Variants in RSRC1 observed in about 807,000 individuals in gnomAD.
RSRC1 encodes arginine and serine rich coiled-coil 1.
In RSRC1, 39 loss-of-function variants were observed where a neutral mutation model predicts 49.1. The observed-to-expected ratio is 0.79, with a 90% CI of 0.61 to 1.04. RSRC1 has a LOEUF of 1.04. RSRC1 is among the 50% of genes least tolerant of loss of function. The pLI is 0.00. For missense variants in RSRC1, 388 were observed against 402.4 expected (o/e 0.96, Z 0.31); for synonymous variants, 143 against 130.8 (o/e 1.09, Z -0.63).
Position 158,122,265 on chromosome 3 carries a change from A to G in RSRC1, c.161A>G (p.Asp54Gly). 3.8e-6 allele frequency: 6 copies of G among 1,597,720 alleles called. No homozygotes were observed. The highest frequency in any genetic ancestry group is 1.7e-5 in the Admixed American group (1 of 57,990). ...SRSKSRSWSRDLQPRSHSYDR... is the reference protein window; with the variant it reads ...SRSKSRSWSRGLQPRSHSYDR... ...TCAAAGTCAAGATCTTGGTCCAGAG[A>G]TCTTCAGCCTCGTTCACATTCTTAT... The change falls in exon 2 of 10, where the codon GAT (aspartate) becomes GGT (glycine). Residue 54 changes from aspartate (D) to glycine (G), a missense_variant. Physicochemically the swap from Asp to Gly is moderately conservative, Grantham distance 94 (BLOSUM62 -1). Coordinates refer to ENST00000611884, the MANE Select transcript of RSRC1 (RefSeq NM_001271838.2).
intron 3 of RSRC1, among the ~76,000 whole-genome samples, chr3:158,126,139 G>A (rs1460648288): frequency 6.6e-6 from 1 of 151,980 alleles, no homozygotes; most frequent in African/African-American, 2.4e-5. Flanking sequence ...TATTTTGTGT[G>A]TATGAGTGTG....
intron 7 of RSRC1, among the ~76,000 whole-genome samples, chr3:158,505,638 GCTGAAGGAAGAAC>G (rs552309608): frequency 1.1e-4 from 16 of 152,186 alleles, no homozygotes; most frequent in Middle Eastern, 3.4e-3. Context: ...GGTATTCCAA[GCTGAAGGAAGAAC>G]CTGAAAGGAA....
intron 5 of RSRC1, among the ~76,000 whole-genome samples, chr3:158,326,319 G>A (rs939153166): frequency 6.6e-6 from 1 of 152,212 alleles, no homozygotes; most frequent in African/African-American, 2.4e-5. Context: ...GTTTTCAAAG[G>A]GAATGCTTCC....
At chr3:158,199,307 G>T (rs755181413) in intron 3 of RSRC1, among the ~76,000 whole-genome samples, 1 of 151,932 alleles carries the variant, frequency 6.6e-6, no homozygotes, top group Non-Finnish European at 1.5e-5. Context: ...TATCAGCAGC[G>T]TGAAAATGGA....
intron 6 of RSRC1, among the ~76,000 whole-genome samples, chr3:158,406,578 G>A (rs1734171152): frequency 6.6e-6 from 1 of 151,990 alleles, no homozygotes; most frequent in Non-Finnish European, 1.5e-5. Flanking sequence ...TTAATTTTTT[G>A]TTTAGAAGGG....
chr3:158,348,114 C>CT (rs1333787541), intron 5 of RSRC1, among the ~76,000 whole-genome samples: 1 of 151,976 alleles, frequency 6.6e-6, no homozygotes, highest in Non-Finnish European at 1.5e-5. Context: ...AGTTTGAGTT[C>CT]TTTTTAGGTG....
At chr3:158,492,245 C>T (rs941277278) in intron 7 of RSRC1, among the ~76,000 whole-genome samples, 1 of 152,148 alleles carries the variant, frequency 6.6e-6, no homozygotes, top group Non-Finnish European at 1.5e-5. Context: ...CAGGTCCCTC[C>T]CTTGAGATGT....
At chr3:158,352,765 G>T (rs755272499) in intron 5 of RSRC1, among the ~76,000 whole-genome samples, 30 of 152,174 alleles carry the variant, frequency 2.0e-4, no homozygotes, top group Non-Finnish European at 3.8e-4. Context: ...ATCAGTTGGT[G>T]CTGGGTGTCA....
chr3:158,377,472 G>A (rs765854763), intron 6 of RSRC1, among the ~76,000 whole-genome samples: 15 of 152,006 alleles, frequency 9.9e-5, no homozygotes, highest in Non-Finnish European at 1.9e-4. Context: ...ATGAGATTTG[G>A]TTGTTTAAAA....
intron 3 of RSRC1, among the ~76,000 whole-genome samples, chr3:158,202,562 T>TTATATGTATATATATATATATATATATA (rs1553768416): frequency 1.1e-5 from 1 of 92,024 alleles, no homozygotes; most frequent in African/African-American, 5.3e-5. Context: ...GTCTGGTAGA[T>TTATATGTATATATATATATATATATATA]TATATATATA....
chr3:158,464,841 C>T (rs1737798020), intron 7 of RSRC1, among the ~76,000 whole-genome samples: 1 of 152,022 alleles, frequency 6.6e-6, no homozygotes, highest in Admixed American at 6.6e-5. Flanking sequence ...AGGCACAGTG[C>T]TTAATAGCTT....
At chr3:158,203,529 A>G (rs1227208858) in intron 4 of RSRC1, among the ~76,000 whole-genome samples, 5 of 152,336 alleles carry the variant, frequency 3.3e-5, no homozygotes, top group African/African-American at 1.2e-4. Flanking sequence ...ATGTAAGTAG[A>G]GGAAAATTTG....
intron 4 of RSRC1, among the ~76,000 whole-genome samples, chr3:158,228,612 T>C (rs1722655791): frequency 6.6e-6 from 1 of 151,970 alleles, no homozygotes; most frequent in Non-Finnish European, 1.5e-5. Context: ...CTATTGTGAT[T>C]TATCAAACTA....
chr3:158,523,492 T>G (rs1711824176), intron 7 of RSRC1, among the ~76,000 whole-genome samples: 1 of 152,036 alleles, frequency 6.6e-6, no homozygotes, highest in South Asian at 2.1e-4. Flanking sequence ...ATAAAAAATA[T>G]AAACCTTATC....
At chr3:158,331,099 A>G (rs564263675) in intron 5 of RSRC1, among the ~76,000 whole-genome samples, 15 of 152,182 alleles carry the variant, frequency 9.9e-5, no homozygotes, top group African/African-American at 3.6e-4. Context: ...TGATTCAGTT[A>G]CCTCCCACTG....
intron 4 of RSRC1, among the ~76,000 whole-genome samples, chr3:158,258,967 C>T (rs192746864): frequency 4.3e-4 from 65 of 152,136 alleles, no homozygotes; most frequent in African/African-American, 1.5e-3. Context: ...TATTTGTTAT[C>T]TTGGATTTTG....
chr3:158,452,925 G>C (rs1226254101), intron 6 of RSRC1, among the ~76,000 whole-genome samples: 1 of 152,068 alleles, frequency 6.6e-6, no homozygotes. Context: ...AGTTCTCCAT[G>C]CATGCTTTCT....
At chr3:158,318,020 T>TGTGTGC (rs1728559149) in intron 5 of RSRC1, among the ~76,000 whole-genome samples, 2 of 112,684 alleles carry the variant, frequency 1.8e-5, no homozygotes, top group African/African-American at 7.0e-5. Flanking sequence ...TGAAGTTTTG[T>TGTGTGC]GTGTGCGTGT....
intron 1 of RSRC1, among the ~76,000 whole-genome samples, chr3:158,116,826 AT>A (rs572754995): frequency 1.7e-4 from 26 of 150,228 alleles, no homozygotes; most frequent in African/African-American, 3.2e-4. Flanking sequence ...TAGGGAAAGG[AT>A]TTTTTTTTTC....
Sources: allele counts gnomAD v4.1 joint callset (sites outside exome capture counted in the v4.1 genomes callset), GRCh38; gene constraint gnomAD v4.1.1; transcripts MANE v1.5; gene names NCBI Gene and HGNC (gene_info 2026-07-23, HGNC 2026-07-21).